CENPQ: variants seen among roughly 807,000 people sequenced by gnomAD.
CENPQ encodes chromosome 6 open reading frame 139.
CENPQ carries 27 observed loss-of-function variants against 36.6 expected under a neutral mutation model. The observed-to-expected ratio is 0.74, with a 90% CI of 0.54 to 1.02. CENPQ has a LOEUF of 1.02. CENPQ is among the 50% of genes least tolerant of loss of function. CENPQ has a pLI of 0.00. For synonymous variants in CENPQ, 101 were observed against 101.7 expected (o/e 0.99, Z 0.04); for missense variants, 306 against 301.8 (o/e 1.01, Z -0.10).
intron 5 of CENPQ, among the ~76,000 whole-genome samples, chr6:49,478,331 T>C (rs886115753): frequency 2.0e-5 from 3 of 152,178 alleles, no homozygotes; most frequent in African/African-American, 7.2e-5. Context: ...AGTAAATAAA[T>C]CTATTTCATT....
rs746228409 is a variant in CENPQ, at chr6:49,480,955, C to G, written c.352C>G (p.Leu118Val). The change falls in exon 6 of 9, where the codon CTA becomes GTA. Residue 118 changes from leucine (L) to valine (V), a missense_variant. Physicochemically the swap from Leu to Val is conservative, Grantham distance 32. Transcript: ENST00000335783. ...TGTTTTTATTTTATCCTTAAGATTG[C>G]TACAACAGTGTGAAACTCTGAAAGT... ...YHLNFLKKRL[L>V]QQCETLKVPP... 1 of 1,590,922 alleles carries G rather than the reference C, an allele frequency of 6.3e-7. No individual in the cohort carries two copies. The highest frequency in any genetic ancestry group is 8.6e-7 in the Non-Finnish European group (1 of 1,167,256).
At chr6:49,483,191 G>A (rs1768487542) in intron 6 of CENPQ, among the ~76,000 whole-genome samples, 1 of 152,174 alleles carries the variant, frequency 6.6e-6, no homozygotes, top group African/African-American at 2.4e-5. Flanking sequence ...TAGATACGGA[G>A]TGTAGAATGG....
chr6:49,477,012 C>A (rs949795459), intron 5 of CENPQ, among the ~76,000 whole-genome samples: 3 of 152,138 alleles, frequency 2.0e-5, no homozygotes, highest in Non-Finnish European at 4.4e-5. Context: ...GACAGTGTGG[C>A]GATTCCTCAA....
chr6:49,473,491 G>T (rs1053381054), intron 5 of CENPQ, among the ~76,000 whole-genome samples: 12 of 152,060 alleles, frequency 7.9e-5, no homozygotes, highest in African/African-American at 1.2e-4. Context: ...GTCACCACCA[G>T]GCCTGCCCTA....
rs1284963703 is a variant in CENPQ at position 49,488,636 on chromosome 6, C to A, written c.627C>A (p.Leu209=). 6.2e-7 allele frequency: 1 copy of A among 1,613,694 alleles called. No individual in the cohort carries two copies. Among genetic ancestry groups the A allele is most frequent in the Non-Finnish European group, 8.5e-7 (1 of 1,179,692 alleles). Residue 209 remains leucine, a synonymous_variant, in exon 8 of 9, where the codon CTC becomes CTA. Transcript: ENST00000335783. ...QMHQINSSGV[L]SLPELSQKTL... ...ATCAAATAAATAGTAGTGGAGTACT[C>A]TCTCTTCCGGAACTTTCTCAGAAAA...
In CENPQ at chr6:49,464,173, A is replaced by G. The variant is rs536009060; in HGVS notation, c.-19+720A>G. Among the ~76,000 whole-genome samples the G allele has an allele frequency of 2.0e-4, 30 of 152,324 alleles. No homozygotes were observed. The South Asian group carries it at 6.2e-3, about 32-fold the overall frequency. On this transcript the variant is annotated intron_variant, in intron 1 of 8. Transcript: ENST00000335783. ...ATTGCGGGGTCGGTTCCAGACCAATAAAGCCTGTCACACGATTTTTTTGGT... is the reference window on the plus strand; with the variant it reads ...ATTGCGGGGTCGGTTCCAGACCAATGAAGCCTGTCACACGATTTTTTTGGT...
At chr6:49,465,098 C>A (rs1767970103) in intron 1 of CENPQ, among the ~76,000 whole-genome samples, 1 of 152,176 alleles carries the variant, frequency 6.6e-6, no homozygotes. Flanking sequence ...TCATGGGCTG[C>A]AGAATGGATG....
chr6:49,465,842 GT>G (rs1767988217), intron 1 of CENPQ, among the ~76,000 whole-genome samples: 1 of 152,144 alleles, frequency 6.6e-6, no homozygotes, highest in African/African-American at 2.4e-5. Flanking sequence ...TAATAAGGCT[GT>G]TTTTGCTTTC....
intron 8 of CENPQ, among the ~76,000 whole-genome samples, chr6:49,488,937 A>C (rs779534173): frequency 4.1e-4 from 63 of 152,136 alleles, no homozygotes; most frequent in African/African-American, 1.5e-3. Flanking sequence ...AAATGTTAAC[A>C]ATCATCTGCA....
chr6:49,482,056 G>A (rs546026852), intron 6 of CENPQ, among the ~76,000 whole-genome samples: 7 of 152,292 alleles, frequency 4.6e-5, no homozygotes, highest in East Asian at 3.9e-4. Context: ...CCCCGCAGCC[G>A]CTGGCTTGGG....
Position 49,463,443 on chromosome 6 carries a change from A to G in CENPQ, c.-29A>G, listed in dbSNP as rs963489905. ...AGCGCGGCTCTCAGAAGGGTGCAAG[A>G]AGAATCAGTGGTGAGTCGTGATATC... is the stretch of plus-strand genomic sequence containing the variant. On this transcript the variant is annotated 5_prime_UTR_variant, in exon 1 of 9. Coordinates refer to ENST00000335783, the MANE Select transcript of CENPQ (RefSeq NM_018132.4). The G allele has an allele frequency of 6.6e-6, 1 of 152,278 alleles. No individual in the cohort carries two copies. 9.4% of individuals were successfully genotyped at this position (152,278 alleles called of 1,614,324 possible). A position where few individuals can be genotyped will look rare whatever the true frequency, so the allele number is the denominator to read the frequency against.
intron 2 of CENPQ, among the ~76,000 whole-genome samples, 182 bp downstream of exon 2, chr6:49,470,460 A>T (rs909920231): frequency 2.6e-5 from 4 of 151,388 alleles, no homozygotes; most frequent in African/African-American, 7.3e-5. Flanking sequence ...AAAAAAAAAA[A>T]TACAAAAAAT....
intron 6 of CENPQ, among the ~76,000 whole-genome samples, chr6:49,485,250 T>G (rs1768547237): frequency 6.6e-6 from 1 of 152,354 alleles, no homozygotes; most frequent in Admixed American, 6.5e-5. Context: ...CCAAAACCTG[T>G]AATAGTAACA....
At chr6:49,491,104 G>T (rs1768710743) in intron 8 of CENPQ, among the ~76,000 whole-genome samples, 1 of 152,146 alleles carries the variant, frequency 6.6e-6, no homozygotes, top group Non-Finnish European at 1.5e-5. Flanking sequence ...GCAGTGTCTG[G>T]GAACACGGTA....
chr6:49,470,889 A>G, intron 2 of CENPQ, 85 bp from the exon 3 acceptor site: 3 of 686,422 alleles, frequency 4.4e-6, no homozygotes, highest in East Asian at 2.9e-5. Context: ...ACTCTTTGAC[A>G]TATATAAAAA....
chr6:49,470,326 A>C, intron 2 of CENPQ, 48 bp downstream of exon 2: 1 of 1,215,994 alleles, frequency 8.2e-7, no homozygotes, highest in Non-Finnish European at 1.2e-6. Context: ...AACTGTGGCC[A>C]AGCACTATGG....
At chr6:49,467,502 T>C (rs189751430) in intron 1 of CENPQ, among the ~76,000 whole-genome samples, 40 of 152,332 alleles carry the variant, frequency 2.6e-4, no homozygotes, top group African/African-American at 8.9e-4. Flanking sequence ...AAAAAGTCTT[T>C]TTTAAAAAAA....
At chr6:49,465,944 C>G (rs138516204) in intron 1 of CENPQ, among the ~76,000 whole-genome samples, 3 of 152,276 alleles carry the variant, frequency 2.0e-5, no homozygotes, top group African/African-American at 7.2e-5. Flanking sequence ...GGTGTAGTTT[C>G]CAGCCTATCT....
At chr6:49,475,725 A>G (rs1324880239) in intron 5 of CENPQ, among the ~76,000 whole-genome samples, 5 of 152,160 alleles carry the variant, frequency 3.3e-5, no homozygotes, top group East Asian at 1.9e-4. Context: ...CTTCAGCAAA[A>G]TCTCAGGATA....
Sources: allele counts gnomAD v4.1 joint callset (sites outside exome capture counted in the v4.1 genomes callset), GRCh38; gene constraint gnomAD v4.1.1; transcripts MANE v1.5; gene names NCBI Gene and HGNC (gene_info 2026-07-23, HGNC 2026-07-21).